The following DERA variants were observed in gnomAD, a reference collection of about 807,000 sequenced individuals.
The protein encoded by DERA is 2-deoxy-D-ribose 5-phosphate aldolase.
A neutral mutation model predicts 41.1 loss-of-function variants in DERA; 15 were observed. That is an observed-to-expected ratio of 0.37 (90% CI 0.24 to 0.56). The LOEUF is 0.56. DERA is among the 20% of genes least tolerant of loss of function. DERA has a pLI of 0.81. For synonymous variants in DERA, 139 were observed against 137.4 expected (o/e 1.01, Z -0.08); for missense variants, 396 against 403.4 (o/e 0.98, Z 0.16).
chr12:16,032,791 T>G, intron 7 of DERA, 137 bp downstream of exon 7: 1 of 645,536 alleles, frequency 1.5e-6, no homozygotes, highest in South Asian at 1.9e-5. Flanking sequence ...TTAATTTACC[T>G]TTCATTATAA....
intron 1 of DERA, among the ~76,000 whole-genome samples, chr12:15,932,289 ATG>A (rs752194273): frequency 6.6e-6 from 1 of 152,146 alleles, no homozygotes; most frequent in African/African-American, 2.4e-5. Context: ...GTGTGTAAAT[ATG>A]TGTGTGTGTT....
rs780761055 is a variant in DERA at position 15,956,991 on chromosome 12, G to A, written c.87G>A (p.Ala29=). The A allele has an allele frequency of 8.7e-6, 14 of 1,613,758 alleles. No individual in the cohort carries two copies. The East Asian group carries it at 8.9e-5, about 10-fold the overall frequency. ...QVNHPAVLRR[A]EQIQARRTVK... ...ATCACCCGGCAGTTCTGAGGCGTGC[G>A]GAACAAATCCAGGCTCGCAGAACCG... The change falls in exon 2 of 9, where the codon GCG becomes GCA. Residue 29 remains alanine (A), a synonymous_variant. Transcript: ENST00000428559.
chr12:15,951,451 G>T (rs1948496849), intron 1 of DERA: 1 of 152,194 alleles, frequency 6.6e-6, no homozygotes, highest in Non-Finnish European at 1.5e-5. Flanking sequence ...CTGTGAAAAT[G>T]CCCCAGGTAG....
chr12:16,002,206 TC>T (rs1948880526), intron 6 of DERA, among the ~76,000 whole-genome samples: 1 of 149,494 alleles, frequency 6.7e-6, no homozygotes, highest in African/African-American at 2.5e-5. Flanking sequence ...ATTGTTCAAT[TC>T]CCACCTATGA....
At chr12:15,930,012 T>TA (rs1353549595) in intron 1 of DERA, among the ~76,000 whole-genome samples, 4 of 152,246 alleles carry the variant, frequency 2.6e-5, no homozygotes, top group Admixed American at 6.5e-5. Flanking sequence ...GTTTTGTAAG[T>TA]AAAAAATAGT....
rs930717807 is a variant in DERA, at chr12:15,992,141, C to T, written c.637+9705C>T. On this transcript the variant is annotated intron_variant, in intron 6 of 8. Coordinates refer to ENST00000428559, the MANE Select transcript of DERA (RefSeq NM_015954.4). The surrounding 1 kb of genome is among the most constrained non-coding windows in gnomAD (Gnocchi z 4.3). The stretch of plus-strand genomic sequence containing the variant: ...CACCTTCCTTAACTTTATTCCTCTG[C>T]GATTACTATCAAACCTGGCATATAG... Among the ~76,000 whole-genome samples the T allele has an allele frequency of 4.6e-5, 7 of 151,062 alleles. No individual in the cohort carries two copies. The highest frequency in any genetic ancestry group is 2.1e-4 in the South Asian group (1 of 4,766).
rs1242192700 is a variant in DERA at position 16,010,460 on chromosome 12, G to GT, written c.638-22078dup. 2.0e-5 allele frequency among the ~76,000 whole-genome samples: 3 copies of GT among 150,836 alleles called. No individual in the cohort carries two copies. The highest frequency in any genetic ancestry group is 3.9e-4 in the East Asian group (2 of 5,080). On this transcript the variant is annotated intron_variant, in intron 6 of 8. Coordinates refer to ENST00000428559, the MANE Select transcript of DERA (RefSeq NM_015954.4). This position sits in a 1 kb window ranked among gnomAD's most constrained non-coding sequence, Gnocchi z 5.5. The stretch of plus-strand genomic sequence containing the variant: ...GCTTGTACCTTTACCCATAGATGAG[G>GT]TTTTCCGAGTTCTGCTGCTTTCCCC...
chr12:15,948,486 G>A (rs1036880408), intron 1 of DERA, among the ~76,000 whole-genome samples: 6 of 152,044 alleles, frequency 3.9e-5, no homozygotes, highest in African/African-American at 1.4e-4. Context: ...CCAGTTGATC[G>A]AATCAGCTAC....
chr12:15,958,276 A>G lies in DERA; in HGVS notation c.218A>G (p.Tyr73Cys). ...TCTTCCAACATTCAAAGGCTCTGTT[A>G]TAAAGCCAAATACCCAATCCGGGAA... ...DTSSNIQRLCYKAKYPIREDL... is the reference protein window; with the variant it reads ...DTSSNIQRLCCKAKYPIREDL... The change falls in exon 3 of 9, where the codon TAT (tyrosine) becomes TGT (cysteine). Residue 73 changes from tyrosine (Y) to cysteine (C), a missense_variant. Physicochemically the swap from Tyr to Cys is radical, Grantham distance 194 (BLOSUM62 -2). Transcript: ENST00000428559. 1 of 1,601,360 alleles carries G rather than the reference A, an allele frequency of 6.2e-7. No individual in the cohort carries two copies. The highest frequency in any genetic ancestry group is 1.1e-5 in the South Asian group (1 of 88,542).
chr12:15,947,390 C>T (rs967499675), intron 1 of DERA, among the ~76,000 whole-genome samples: 1 of 152,086 alleles, frequency 6.6e-6, no homozygotes, highest in Non-Finnish European at 1.5e-5. Context: ...TCTGGGTGCT[C>T]CTGTGTTGGG....
chr12:15,925,726 T>G (rs1225878442), intron 1 of DERA, among the ~76,000 whole-genome samples: 1 of 151,618 alleles, frequency 6.6e-6, no homozygotes, highest in Non-Finnish European at 1.5e-5. Flanking sequence ...TGCAGTGCAA[T>G]GGGGAGAATT....
In DERA at chr12:16,001,433, G is replaced by A. The variant is rs151065841; in HGVS notation, c.637+18997G>A. On this transcript the variant is annotated intron_variant, in intron 6 of 8. Coordinates refer to ENST00000428559, the MANE Select transcript of DERA (RefSeq NM_015954.4). This position sits in a 1 kb window ranked among gnomAD's most constrained non-coding sequence, Gnocchi z 4.1. ...AGTGGAAAAGTTCAGTGTTTTATTCGAGACAATTGACTCAGAGAAAAGAAC... is the reference window on the plus strand; with the variant it reads ...AGTGGAAAAGTTCAGTGTTTTATTCAAGACAATTGACTCAGAGAAAAGAAC... Among the ~76,000 whole-genome samples the A allele has an allele frequency of 3.8e-3, 573 of 152,172 alleles. 4 individuals carry two copies. The highest frequency in any genetic ancestry group is 0.013 in the African/African-American group (548 of 41,506).
rs1272701252 is a variant in DERA, at chr12:15,921,268, T to A, written c.31+9854T>A. ...GTGTCTGAAAAGGGACATACTTTAT[T>A]CAAATGATGCCAGTGGTTAGTGGAA... On this transcript the variant is annotated intron_variant, in intron 1 of 8. Coordinates refer to ENST00000428559, the MANE Select transcript of DERA (RefSeq NM_015954.4). This position sits in a 1 kb window ranked among gnomAD's most constrained non-coding sequence, Gnocchi z 5.3. Among the ~76,000 whole-genome samples the A allele has an allele frequency of 1.3e-5, 2 of 152,124 alleles. No homozygotes were observed. Among genetic ancestry groups the A allele is most frequent in the African/African-American group, 4.8e-5 (2 of 41,426 alleles).
In DERA at chr12:16,035,864, G is replaced by C. The variant is rs184933964; in HGVS notation, c.751-368G>C. ...GCTTACTTGTGGAAATGTAGAATGA[G>C]TGGGCTTTGCTTTTGTGATCTGTTT... is the stretch of plus-strand genomic sequence containing the variant. On this transcript the variant is annotated intron_variant, in intron 7 of 8. Transcript: ENST00000428559. This position sits in a 1 kb window ranked among gnomAD's most constrained non-coding sequence, Gnocchi z 4.1. 2.1e-3 allele frequency among the ~76,000 whole-genome samples: 313 copies of C among 152,338 alleles called. 2 individuals carry two copies. Among genetic ancestry groups the C allele is most frequent in the Admixed American group, 3.7e-3 (56 of 15,300 alleles).
chr12:15,973,577 A>C (rs1284077049), intron 5 of DERA, among the ~76,000 whole-genome samples: 1 of 152,210 alleles, frequency 6.6e-6, no homozygotes, highest in Non-Finnish European at 1.5e-5. Flanking sequence ...GATGTTTGCA[A>C]ATATTTAACT....
Position 16,001,200 on chromosome 12 carries a change from C to T in DERA, c.637+18764C>T, listed in dbSNP as rs543393278. ...GGTCAGTAGGTGCAGCAAACCACCA[C>T]GGCACACGTACACCTATGTAACAAA... On this transcript the variant is annotated intron_variant, in intron 6 of 8. Transcript: ENST00000428559. This position sits in a 1 kb window ranked among gnomAD's most constrained non-coding sequence, Gnocchi z 4.1. Among the ~76,000 whole-genome samples, 14 of 152,252 alleles carry T rather than the reference C, an allele frequency of 9.2e-5. No individual in the cohort carries two copies. The highest frequency in any genetic ancestry group is 3.9e-4 in the East Asian group (2 of 5,180).
rs893604487 is a variant in DERA at position 15,994,577 on chromosome 12, C to T, written c.637+12141C>T. Among the ~76,000 whole-genome samples, 1 of 152,210 alleles carries T rather than the reference C, an allele frequency of 6.6e-6. No individual in the cohort carries two copies. Among genetic ancestry groups the T allele is most frequent in the African/African-American group, 2.4e-5 (1 of 41,458 alleles). On this transcript the variant is annotated intron_variant, in intron 6 of 8. Coordinates refer to ENST00000428559, the MANE Select transcript of DERA (RefSeq NM_015954.4). The surrounding 1 kb of genome is among the most constrained non-coding windows in gnomAD (Gnocchi z 4.8). ...CACGCCATTCTCCTGCCTCAGCCTC[C>T]TGAATAGCTGGGACTACAGGCGCCT...
At chr12:15,955,098 G>C (rs371518032) in intron 1 of DERA, among the ~76,000 whole-genome samples, 1 of 151,928 alleles carries the variant, frequency 6.6e-6, no homozygotes, top group Non-Finnish European at 1.5e-5. Flanking sequence ...TCGGGAGTTC[G>C]ATACCAGCCT....
chr12:15,911,419 G>A lies in DERA; in HGVS notation c.31+5G>A. ...ACAATCGGGGCACCGAGCTCGGTAAGGGGCCCGCGGGGCTCCCCATCCCCT... is the reference window on the plus strand; with the variant it reads ...ACAATCGGGGCACCGAGCTCGGTAAAGGGCCCGCGGGGCTCCCCATCCCCT... On this transcript the variant is annotated splice_donor_5th_base_variant and intron_variant, in intron 1 of 8. Transcript: ENST00000428559. This position sits in a 1 kb window ranked among gnomAD's most constrained non-coding sequence, Gnocchi z 4.5. The A allele has an allele frequency of 1.4e-6, 2 of 1,407,722 alleles. No homozygotes were observed. The highest frequency in any genetic ancestry group is 3.3e-5 in the Admixed American group (1 of 30,358). 87.2% of individuals were successfully genotyped at this position (1,407,722 alleles called of 1,614,324 possible).
Sources: gnomAD v4.1 joint callset for allele counts (sites outside exome capture counted in the v4.1 genomes callset) on GRCh38, gnomAD v4.1.1 for gene constraint, Gnocchi (gnomAD v3.1) non-coding constraint, MANE v1.5 for transcripts, NCBI Gene and HGNC (gene_info 2026-07-23, HGNC 2026-07-21) for gene names.